TET3: variants seen among roughly 807,000 people sequenced by gnomAD.
The protein encoded by TET3 is methylcytosine dioxygenase TET3.
Under a neutral mutation model 141.4 loss-of-function variants are expected in TET3, and 19 were observed. The observed-to-expected ratio is 0.13, with a 90% CI of 0.09 to 0.20. The LOEUF is 0.20. Ranked by LOEUF, TET3 falls within the 10% of genes least tolerant of loss-of-function variation. TET3 has a pLI of 1.00. For synonymous variants in TET3, 1,043 were observed against 980.9 expected (o/e 1.06, Z -1.18); for missense variants, 1,874 against 2,356.9 (o/e 0.80, Z 4.24).
chr2:74,066,663 A>C (rs1256152746), intron 4 of TET3, among the ~76,000 whole-genome samples: 1 of 152,204 alleles, frequency 6.6e-6, no homozygotes, highest in East Asian at 1.9e-4. Flanking sequence ...TTTGTTTGGC[A>C]CTTGAAGCTT....
At chr2:74,090,708 G>GGCGCCCT (rs1690442681) in intron 8 of TET3, among the ~76,000 whole-genome samples, 5 of 152,218 alleles carry the variant, frequency 3.3e-5, no homozygotes, top group Admixed American at 3.3e-4. Context: ...GGGGGCCGGA[G>GGCGCCCT]CATCTGCTCA....
rs1430133164 is a variant in TET3 at position 74,003,136 on chromosome 2, C to T, written c.330C>T (p.Ala110=). ...KEVEIKAGEG[A]GPWGQGAAVK... ...TGGAAATAAAGGCTGGTGAAGGAGC[C>T]GGGCCGTGGGGACAAGGAGCGGCTG... The change falls in exon 3 of 12, where the codon GCC becomes GCT. Residue 110 remains alanine, a synonymous_variant. Transcript: ENST00000409262. 6 of 1,550,290 alleles carry T rather than the reference C, an allele frequency of 3.9e-6. No homozygotes were observed. Among genetic ancestry groups the T allele is most frequent in the East Asian group, 4.9e-5 (2 of 40,934 alleles).
downstream of TET3, among the ~76,000 whole-genome samples, chr2:74,112,368 T>C (rs1691724686): frequency 6.6e-6 from 1 of 152,146 alleles, no homozygotes; most frequent in Non-Finnish European, 1.5e-5. Flanking sequence ...CTTATTTGCT[T>C]TTAAAGTATC....
rs576639521 is a variant in TET3, at chr2:74,100,646, C to T, written c.3858C>T (p.Tyr1286=). Residue 1286 remains tyrosine (Y), a synonymous_variant, in exon 12 of 12, where the codon TAC becomes TAT. Coordinates refer to ENST00000409262, the MANE Select transcript of TET3 (RefSeq NM_001287491.2). ...HSKYALPSFS[Y]YGFPSSNPVF... The stretch of plus-strand genomic sequence containing the variant: ...AGTACGCTCTCCCGTCTTTTAGCTA[C>T]TATGGCTTTCCATCCAGCAACCCCG... 4.6e-5 allele frequency: 74 copies of T among 1,614,054 alleles called. No homozygotes were observed. The African/African-American group carries it at 6.5e-4, about 14-fold the overall frequency.
intron 4 of TET3, among the ~76,000 whole-genome samples, chr2:74,050,530 C>T (rs1054644583): frequency 9.2e-5 from 14 of 152,108 alleles, no homozygotes; most frequent in African/African-American, 3.4e-4. Context: ...AGAAATGGTT[C>T]ATCACTGAAG....
intron 3 of TET3, among the ~76,000 whole-genome samples, chr2:74,016,783 CCTGT>C (rs1573698331): frequency 7.0e-6 from 1 of 142,540 alleles, no homozygotes; most frequent in East Asian, 1.9e-4. Flanking sequence ...TATAGGTTCT[CCTGT>C]CTTTTTTTTT....
chr2:74,087,293 T>A lies in TET3; in HGVS notation c.2680-537T>A, dbSNP rs893383896. Among the ~76,000 whole-genome samples, 4 of 152,222 alleles carry A rather than the reference T, an allele frequency of 2.6e-5. No individual in the cohort carries two copies. The highest frequency in any genetic ancestry group is 4.4e-5 in the Non-Finnish European group (3 of 68,042). On this transcript the variant is annotated intron_variant, in intron 6 of 11. Coordinates refer to ENST00000409262, the MANE Select transcript of TET3 (RefSeq NM_001287491.2). This position sits in a 1 kb window ranked among gnomAD's most constrained non-coding sequence, Gnocchi z 4.3. ...TGCAGTGAACGTGGGTATTCAGGGA[T>A]CTGCCTGAGTCCTGCTCTCAGTCCC... is the stretch of plus-strand genomic sequence containing the variant.
chr2:74,090,254 A>C (rs1690403698), intron 8 of TET3, among the ~76,000 whole-genome samples: 1 of 152,194 alleles, frequency 6.6e-6, no homozygotes, highest in African/African-American at 2.4e-5. Flanking sequence ...CTTAGCAGTT[A>C]CGGGTGCCCC....
chr2:74,065,415 T>C (rs1044130245), intron 4 of TET3, among the ~76,000 whole-genome samples: 2 of 152,252 alleles, frequency 1.3e-5, no homozygotes, highest in Admixed American at 6.5e-5. Flanking sequence ...CTGTGGTCTT[T>C]GGACATACCT....
chr2:74,096,493 G>A (rs1030517177), intron 10 of TET3, among the ~76,000 whole-genome samples: 23 of 151,516 alleles, frequency 1.5e-4, no homozygotes, highest in African/African-American at 5.6e-4. Flanking sequence ...CAGGCCGGGC[G>A]CAGGGGCTCA....
At chr2:74,062,006 TCCCAGACGGGGTGGC>T (rs1573824362) in intron 4 of TET3, among the ~76,000 whole-genome samples, 1 of 152,008 alleles carries the variant, frequency 6.6e-6, no homozygotes, top group Admixed American at 6.5e-5. Flanking sequence ...GCTCCTCACT[TCCCAGACGGGGTGGC>T]GGCCGGGCAG....
chr2:74,125,694 AATTT>A, the TET3 span, among the ~76,000 whole-genome samples: 1 of 150,174 alleles, frequency 6.7e-6, no homozygotes, highest in Non-Finnish European at 1.5e-5. Flanking sequence ...AGTATGCTAA[AATTT>A]TTTTTTTTTT....
intron 3 of TET3, among the ~76,000 whole-genome samples, chr2:74,030,869 T>C (rs1686641886): frequency 1.3e-5 from 2 of 152,208 alleles, no homozygotes; most frequent in East Asian, 1.9e-4. Flanking sequence ...TTGGCAGGAC[T>C]AGGGTTTGCT....
chr2:74,003,963 T>A (rs1685012281), intron 3 of TET3, among the ~76,000 whole-genome samples: 1 of 152,052 alleles, frequency 6.6e-6, no homozygotes, highest in African/African-American at 2.4e-5. Flanking sequence ...ACCCGATCAG[T>A]AGGTTTCCTT....
At chr2:74,004,711 T>C (rs934963986) in intron 3 of TET3, among the ~76,000 whole-genome samples, 1 of 152,010 alleles carries the variant, frequency 6.6e-6, no homozygotes, top group Admixed American at 6.5e-5. Flanking sequence ...GGCGATACTG[T>C]GGGTGGGGAG....
At chr2:74,053,357 C>T (rs900310855) in intron 4 of TET3, among the ~76,000 whole-genome samples, 2 of 152,130 alleles carry the variant, frequency 1.3e-5, no homozygotes, top group African/African-American at 4.8e-5. Flanking sequence ...GGGAAATTCC[C>T]AAGAGGAGCC....
At chr2:74,014,720 A>C (rs1685642073) in intron 3 of TET3, among the ~76,000 whole-genome samples, 1 of 152,162 alleles carries the variant, frequency 6.6e-6, no homozygotes. Flanking sequence ...GAGAGAAAAA[A>C]AACTGAGACT....
chr2:74,131,830 G>A, the TET3 span, among the ~76,000 whole-genome samples: 1 of 150,122 alleles, frequency 6.7e-6, no homozygotes, highest in Non-Finnish European at 1.5e-5. Context: ...GATTAAACAC[G>A]TTCTTCTCGT....
At chr2:74,062,443 T>G (rs1688646099) in intron 4 of TET3, among the ~76,000 whole-genome samples, 2 of 152,162 alleles carry the variant, frequency 1.3e-5, no homozygotes, top group Non-Finnish European at 2.9e-5. Flanking sequence ...TTACTTAAAC[T>G]CTACTTAAGA....
Sources: allele counts gnomAD v4.1 joint callset (sites outside exome capture counted in the v4.1 genomes callset), GRCh38; gene constraint gnomAD v4.1.1; non-coding constraint Gnocchi (gnomAD v3.1); transcripts MANE v1.5; gene names NCBI Gene and HGNC (gene_info 2026-07-23, HGNC 2026-07-21).